The following LMO7 variants were observed in gnomAD, a reference collection of about 807,000 sequenced individuals.
LMO7 encodes LIM domain 7.
Under a neutral mutation model 206.5 loss-of-function variants are expected in LMO7, and 120 were observed. That is an observed-to-expected ratio of 0.58 (90% CI 0.50 to 0.68). The LOEUF is 0.68. Among genes scored for constraint, LMO7 ranks in the 30% least tolerant of loss-of-function variants. The pLI, the probability that LMO7 is intolerant of heterozygous loss-of-function variation, is 0.00. For missense variants in LMO7, 1,959 were observed against 1,957.9 expected (o/e 1.00, Z -0.01); for synonymous variants, 706 against 681.5 (o/e 1.04, Z -0.56).
chr13:75,678,155 C>G (rs1380638637), intron 1 of LMO7, among the ~76,000 whole-genome samples: 3 of 152,072 alleles, frequency 2.0e-5, no homozygotes, highest in Non-Finnish European at 4.4e-5. Flanking sequence ...TGGGTATATA[C>G]CCAGTAATGG....
intron 4 of LMO7, among the ~76,000 whole-genome samples, chr13:75,762,728 C>T (rs925631189): frequency 1.3e-5 from 2 of 152,134 alleles, no homozygotes; most frequent in African/African-American, 4.8e-5. Flanking sequence ...GTGGAAACCA[C>T]AAGTTCGTCA....
chr13:75,675,523 A>G (rs757023060), intron 1 of LMO7, among the ~76,000 whole-genome samples: 7 of 152,100 alleles, frequency 4.6e-5, no homozygotes, highest in Non-Finnish European at 8.8e-5. Flanking sequence ...TTTGATGCAC[A>G]TTTTTTTCTC....
At chr13:75,775,596 C>T (rs1237076618) in intron 4 of LMO7, among the ~76,000 whole-genome samples, 1 of 151,924 alleles carries the variant, frequency 6.6e-6, no homozygotes, top group Non-Finnish European at 1.5e-5. Flanking sequence ...CCAGAATCTA[C>T]AAGGAACTCA....
upstream of LMO7, among the ~76,000 whole-genome samples, chr13:75,634,274 CA>C (rs1481929595): frequency 1.3e-5 from 2 of 151,726 alleles, no homozygotes; most frequent in African/African-American, 2.4e-5. Flanking sequence ...CCTCTCTCTA[CA>C]AAAAATACAG....
chr13:75,628,598 CAT>C (rs2034508042), intron 2 of LMO7: 1 of 152,142 alleles, frequency 6.6e-6, no homozygotes, highest in Non-Finnish European at 1.5e-5. Flanking sequence ...ACTAAGCTGT[CAT>C]ATAAGCATGA....
intron 1 of LMO7, among the ~76,000 whole-genome samples, chr13:75,681,706 G>GTATATA (rs150463472): frequency 6.4e-5 from 6 of 93,312 alleles, no homozygotes; most frequent in African/African-American, 2.2e-4. Flanking sequence ...GTATGTATGT[G>GTATATA]TATATATATA....
chr13:75,755,307 G>A (rs890417546), intron 3 of LMO7, among the ~76,000 whole-genome samples: 1 of 152,076 alleles, frequency 6.6e-6, no homozygotes, highest in Non-Finnish European at 1.5e-5. Flanking sequence ...TTCTTATGGC[G>A]TCATCTGCCT....
At chr13:75,846,060 G>T (rs996960748) in intron 26 of LMO7, among the ~76,000 whole-genome samples, 12 of 151,554 alleles carry the variant, frequency 7.9e-5, no homozygotes, top group Non-Finnish European at 2.9e-5. Flanking sequence ...CCATGCTGGA[G>T]AAGGCAACCC....
intron 4 of LMO7, among the ~76,000 whole-genome samples, chr13:75,781,121 C>CT (rs34454462): frequency 0.19 from 11,153 of 60,076 alleles, 608 homozygotes; most frequent in South Asian, 0.3. Flanking sequence ...TTTTTTTTTG[C>CT]TTTTTTTTTT....
intron 1 of LMO7, among the ~76,000 whole-genome samples, chr13:75,699,287 G>A (rs2042113342): frequency 6.6e-6 from 1 of 152,042 alleles, no homozygotes; most frequent in Admixed American, 6.6e-5. Flanking sequence ...CAGATTTAAT[G>A]TCTTTTCCAT....
intron 1 of LMO7, among the ~76,000 whole-genome samples, chr13:75,659,831 A>G (rs1194838171): frequency 2.0e-5 from 3 of 152,190 alleles, no homozygotes; most frequent in South Asian, 4.1e-4. Context: ...TTTCTCTTTT[A>G]TATTCTTAAG....
At chr13:75,786,435 C>T (rs1420651526) in intron 4 of LMO7, among the ~76,000 whole-genome samples, 6 of 149,938 alleles carry the variant, frequency 4.0e-5, no homozygotes, top group East Asian at 3.9e-4. Flanking sequence ...AGTGCAGTGG[C>T]GCAATCTCGG....
Position 75,841,969 on chromosome 13 carries a change from A to T in LMO7, c.4017A>T (p.Ile1339=), listed in dbSNP as rs1333149904. ...AEIERETSVR[I]YQYRRPVDSY... is the part of the protein sequence containing the mutation. ...TAGAGCGGGAAACATCAGTCAGAAT[A>T]TACCAGTACAGGAGGTATGTCCCCA... The change falls in exon 24 of 31, where the codon ATA becomes ATT. Residue 1339 remains isoleucine, a synonymous_variant. Coordinates refer to ENST00000377534, the MANE Select transcript of LMO7 (RefSeq NM_001306080.2). The T allele has an allele frequency of 2.5e-6, 4 of 1,611,012 alleles. No individual in the cohort carries two copies.
At chr13:75,756,319 A>T (rs1472807230) in intron 3 of LMO7, among the ~76,000 whole-genome samples, 3 of 152,196 alleles carry the variant, frequency 2.0e-5, no homozygotes, top group African/African-American at 7.2e-5. Flanking sequence ...AGATAATTGT[A>T]TTTGCAGAAA....
At chr13:75,761,143 T>C in intron 4 of LMO7, 105 bp downstream of exon 4, 1 of 706,112 alleles carries the variant, frequency 1.4e-6, no homozygotes, top group Non-Finnish European at 2.3e-6. Context: ...GAAAAATTCT[T>C]CTGTTCTCTC....
At chr13:75,696,415 G>A (rs1370842834) in intron 1 of LMO7, among the ~76,000 whole-genome samples, 4 of 152,254 alleles carry the variant, frequency 2.6e-5, no homozygotes, top group East Asian at 3.9e-4. Flanking sequence ...TGTGAGATGA[G>A]ATGATGATTT....
At chr13:75,839,678 G>A (rs1036586215) in intron 20 of LMO7, 6 of 156,734 alleles carry the variant, frequency 3.8e-5, no homozygotes, top group African/African-American at 1.2e-4. Context: ...GTTGTGAGTA[G>A]TGGCAAGTAA....
At chr13:75,637,838 G>A (rs1301792075) in intron 1 of LMO7, among the ~76,000 whole-genome samples, 1 of 152,164 alleles carries the variant, frequency 6.6e-6, no homozygotes, top group Non-Finnish European at 1.5e-5. Flanking sequence ...ATTAACCACG[G>A]GACAGTAGGG....
rs539896013 is a variant in LMO7 at position 75,731,424 on chromosome 13, C to T, written c.210+4326C>T. On this transcript the variant is annotated intron_variant, in intron 3 of 30. Coordinates refer to ENST00000377534, the MANE Select transcript of LMO7 (RefSeq NM_001306080.2). ...CTTTTGATCTGTGTTGGTTTAAAGT[C>T]TGTTTCATCAGAGACTGAGATTTCA... is the stretch of plus-strand genomic sequence containing the variant. 5.9e-5 allele frequency among the ~76,000 whole-genome samples: 9 copies of T among 152,278 alleles called. No individual in the cohort carries two copies. In the South Asian group the frequency reaches 1.7e-3, roughly 28 times the overall value.
Sources: allele counts gnomAD v4.1 joint callset (sites outside exome capture counted in the v4.1 genomes callset), GRCh38; gene constraint gnomAD v4.1.1; transcripts MANE v1.5; gene names NCBI Gene and HGNC (gene_info 2026-07-23, HGNC 2026-07-21).